RBFOX1: variants seen among roughly 807,000 people sequenced by gnomAD.
RBFOX1 encodes the protein RNA binding protein fox-1 homolog 1.
In RBFOX1, 8 loss-of-function variants were observed where a neutral mutation model predicts 57.7. That is an observed-to-expected ratio of 0.14 (90% CI 0.08 to 0.25). RBFOX1 has a LOEUF of 0.25. RBFOX1 is among the 10% of genes least tolerant of loss of function. The pLI is 1.00. For missense variants in RBFOX1, 611 were observed against 548.5 expected (o/e 1.11, Z -1.14); for synonymous variants, 326 against 222.4 (o/e 1.47, Z -4.15).
At chr16:7,008,005 G>A (rs761769329) in intron 3 of RBFOX1, among the ~76,000 whole-genome samples, 9 of 152,164 alleles carry the variant, frequency 5.9e-5, no homozygotes, top group Non-Finnish European at 1.0e-4. Flanking sequence ...CCAGTATAAT[G>A]TTGGGCATTG....
intron 2 of RBFOX1, among the ~76,000 whole-genome samples, chr16:6,641,295 G>C (rs967967862): frequency 6.6e-6 from 1 of 152,152 alleles, no homozygotes; most frequent in African/African-American, 2.4e-5. Flanking sequence ...CTAGAGGACA[G>C]CATTGTAACA....
At chr16:6,846,295 A>G (rs991424407) in intron 3 of RBFOX1, among the ~76,000 whole-genome samples, 1 of 152,158 alleles carries the variant, frequency 6.6e-6, no homozygotes, top group Non-Finnish European at 1.5e-5. Flanking sequence ...CGTGTCATCA[A>G]GAAACATGGA....
intron 3 of RBFOX1, among the ~76,000 whole-genome samples, chr16:6,945,361 A>T (rs982939257): frequency 2.4e-4 from 37 of 152,156 alleles, no homozygotes; most frequent in African/African-American, 8.7e-4. Flanking sequence ...TCAGTCAAAC[A>T]TGGCCCATTG....
chr16:5,344,083 C>T (rs12598444), intron 1 of RBFOX1, among the ~76,000 whole-genome samples: 129,321 of 152,202 alleles, frequency 0.85, 57,869 homozygotes, highest in East Asian at 1. Context: ...TTCTCGTTTT[C>T]GGAGAAATAA....
chr16:7,115,795 G>T (rs904062306), intron 4 of RBFOX1, among the ~76,000 whole-genome samples: 1 of 152,228 alleles, frequency 6.6e-6, no homozygotes, highest in South Asian at 2.1e-4. Context: ...CCCCGAAGGG[G>T]AGGGAGTTAC....
At chr16:6,989,581 C>T (rs892384036) in intron 3 of RBFOX1, among the ~76,000 whole-genome samples, 2 of 152,120 alleles carry the variant, frequency 1.3e-5, no homozygotes, top group Non-Finnish European at 2.9e-5. Context: ...ACAGGTACAG[C>T]TGTGGAGAAT....
At chr16:5,865,150 A>G (rs1318095951) in intron 3 of RBFOX1, among the ~76,000 whole-genome samples, 1 of 152,196 alleles carries the variant, frequency 6.6e-6, no homozygotes, top group African/African-American at 2.4e-5. Context: ...GAGCTTAGTG[A>G]AGCAGAGAGG....
intron 3 of RBFOX1, among the ~76,000 whole-genome samples, chr16:6,923,420 C>G (rs1442752336): frequency 1.3e-5 from 2 of 152,112 alleles, no homozygotes; most frequent in Non-Finnish European, 2.9e-5. Flanking sequence ...GTAATTCCAG[C>G]TACTTGGAAG....
At chr16:5,626,436 C>T (rs1030240170) in intron 3 of RBFOX1, among the ~76,000 whole-genome samples, 1 of 152,172 alleles carries the variant, frequency 6.6e-6, no homozygotes, top group Non-Finnish European at 1.5e-5. Flanking sequence ...ACCTCACTGT[C>T]ACTTAATTAC....
intron 3 of RBFOX1, among the ~76,000 whole-genome samples, chr16:5,787,316 C>T (rs769745561): frequency 3.9e-5 from 6 of 152,170 alleles, no homozygotes; most frequent in Non-Finnish European, 1.5e-5. Flanking sequence ...TCCTCCAGTG[C>T]ACACAGAAGA....
chr16:5,905,800 G>A (rs942429705), intron 4 of RBFOX1, among the ~76,000 whole-genome samples: 2 of 152,142 alleles, frequency 1.3e-5, no homozygotes, highest in African/African-American at 4.8e-5. Context: ...CTCCTGAAGG[G>A]TGAGAAAACT....
At chr16:5,614,335 G>T (rs777883702) in intron 3 of RBFOX1, among the ~76,000 whole-genome samples, 7 of 152,192 alleles carry the variant, frequency 4.6e-5, no homozygotes, top group African/African-American at 9.6e-5. Flanking sequence ...CTCTGGGCCA[G>T]TGGGGAGAAT....
chr16:6,215,474 G>C (rs60793694), intron 1 of RBFOX1, among the ~76,000 whole-genome samples: 94,717 of 151,228 alleles, frequency 0.63, 32,411 homozygotes, highest in East Asian at 0.99. Flanking sequence ...GAGGGGGAGA[G>C]GGAGAGAAGG....
intron 3 of RBFOX1, among the ~76,000 whole-genome samples, chr16:5,755,501 C>A (rs1179240616): frequency 6.6e-6 from 1 of 152,148 alleles, no homozygotes; most frequent in African/African-American, 2.4e-5. Context: ...AAGCAGTAGC[C>A]CTAAGCTGTG....
intron 3 of RBFOX1, among the ~76,000 whole-genome samples, chr16:5,675,606 C>T (rs1257014256): frequency 2.0e-5 from 3 of 152,214 alleles, no homozygotes; most frequent in Non-Finnish European, 1.5e-5. Flanking sequence ...AACGGAGCCT[C>T]AACACTGAGC....
chr16:7,089,587 G>C (rs1359899750), intron 4 of RBFOX1, among the ~76,000 whole-genome samples: 2 of 152,060 alleles, frequency 1.3e-5, no homozygotes, highest in Non-Finnish European at 2.9e-5. Flanking sequence ...CTCTTTCTCT[G>C]AGTTGTTAAG....
chr16:5,648,587 C>G (rs1229938247), intron 3 of RBFOX1, among the ~76,000 whole-genome samples: 1 of 152,008 alleles, frequency 6.6e-6, no homozygotes, highest in African/African-American at 2.4e-5. Context: ...CTATGATGCA[C>G]AGGACATCTC....
chr16:5,845,527 C>T (rs1029975985), intron 3 of RBFOX1, among the ~76,000 whole-genome samples: 1 of 152,164 alleles, frequency 6.6e-6, no homozygotes, highest in African/African-American at 2.4e-5. Flanking sequence ...GTGTGAATCC[C>T]CACTCTTACC....
At chr16:7,701,385 G>C (rs76534399) in intron 14 of RBFOX1, among the ~76,000 whole-genome samples, 6 of 152,298 alleles carry the variant, frequency 3.9e-5, no homozygotes, top group African/African-American at 1.4e-4. Flanking sequence ...CCTCCTGTCT[G>C]ACCAGTGGCA....
Sources: gnomAD v4.1 joint callset for allele counts (sites outside exome capture counted in the v4.1 genomes callset) on GRCh38, gnomAD v4.1.1 for gene constraint, MANE v1.5 for transcripts, NCBI Gene and HGNC (gene_info 2026-07-23, HGNC 2026-07-21) for gene names.